Variants in ELF2 observed in about 807,000 individuals in gnomAD.
ELF2 encodes the protein E74 like ETS transcription factor 2, also known as ETS-related transcription factor Elf-2.
A neutral mutation model predicts 54.8 loss-of-function variants in ELF2; 11 were observed. The ratio of observed to expected loss-of-function variants is 0.20; its 90% CI spans 0.13 to 0.33. ELF2 has a LOEUF of 0.33. Among genes scored for constraint, ELF2 ranks in the 10% least tolerant of loss-of-function variants. ELF2 has a pLI of 1.00. For missense variants in ELF2, 513 were observed against 703.0 expected (o/e 0.73, Z 3.06); for synonymous variants, 203 against 245.1 (o/e 0.83, Z 1.61).
Position 139,065,264 on chromosome 4 carries a change from G to A in ELF2, c.613+2420C>T, listed in dbSNP as rs1331395987. On this transcript the variant is annotated intron_variant, in intron 7 of 9. Coordinates refer to ENST00000686138, the MANE Select transcript of ELF2 (RefSeq NM_001331036.3). ...AGGCCAAGGCTGAAGGATCACTTGA[G>A]CCTAGGAGTATGAGAATAGCCTAGG... Among the ~76,000 whole-genome samples, 27 of 152,148 alleles carry A rather than the reference G, an allele frequency of 1.8e-4. 1 individual carries two copies. Among genetic ancestry groups the A allele is most frequent in the Admixed American group, 1.8e-3 (27 of 15,272 alleles).
At chr4:139,071,723 A>G (rs959751708) in intron 6 of ELF2, 143 bp downstream of exon 6, 8 of 789,646 alleles carry the variant, frequency 1.0e-5, no homozygotes, top group Non-Finnish European at 1.3e-5. Context: ...TAAAATCTCA[A>G]TGTTGATTCT....
chr4:139,092,085 G>T (rs1481671374), intron 4 of ELF2, among the ~76,000 whole-genome samples: 1 of 151,584 alleles, frequency 6.6e-6, no homozygotes, highest in African/African-American at 2.4e-5. Flanking sequence ...AAATAGGCCG[G>T]GTGTGGTGGC....
chr4:139,074,619 G>A (rs771874807), intron 4 of ELF2, among the ~76,000 whole-genome samples: 1 of 151,894 alleles, frequency 6.6e-6, no homozygotes, highest in South Asian at 2.1e-4. Context: ...AATTAGCCGG[G>A]CGTGGTGGCG....
At chr4:139,085,784 T>A (rs1012830658) in intron 4 of ELF2, among the ~76,000 whole-genome samples, 1 of 152,306 alleles carries the variant, frequency 6.6e-6, no homozygotes, top group Admixed American at 6.5e-5. Flanking sequence ...GTAAGCATCA[T>A]CCTTAGCTGG....
intron 3 of ELF2, 127 bp downstream of exon 3, chr4:139,137,503 C>T: frequency 2.2e-6 from 2 of 917,430 alleles, no homozygotes; most frequent in Non-Finnish European, 3.4e-6. Flanking sequence ...GGATACACGA[C>T]ATGTACATGT....
intron 4 of ELF2, among the ~76,000 whole-genome samples, chr4:139,113,477 C>T (rs1212759566): frequency 6.6e-6 from 1 of 152,174 alleles, no homozygotes; most frequent in Non-Finnish European, 1.5e-5. Context: ...AGGAGAATCA[C>T]TTGAATCTGG....
intron 1 of ELF2, among the ~76,000 whole-genome samples, chr4:139,160,868 C>T (rs1430925568): frequency 6.6e-6 from 1 of 152,126 alleles, no homozygotes; most frequent in Non-Finnish European, 1.5e-5. Flanking sequence ...GAAGCTGAGA[C>T]AGAAGAATGT....
chr4:139,075,913 T>G (rs563170325), intron 4 of ELF2, among the ~76,000 whole-genome samples: 1 of 152,268 alleles, frequency 6.6e-6, no homozygotes, highest in South Asian at 2.1e-4. Flanking sequence ...CTTGACAGAT[T>G]TTTTTTAAGA....
intron 3 of ELF2, among the ~76,000 whole-genome samples, chr4:139,132,200 CA>C (rs1219399345): frequency 2.0e-5 from 3 of 150,970 alleles, no homozygotes; most frequent in Non-Finnish European, 4.4e-5. Context: ...GTACAAAAAC[CA>C]AAAAAATAAA....
intron 4 of ELF2, among the ~76,000 whole-genome samples, chr4:139,075,804 TA>T (rs1730230855): frequency 6.6e-6 from 1 of 152,232 alleles, no homozygotes; most frequent in Admixed American, 6.5e-5. Flanking sequence ...GAACAAATTT[TA>T]TTATCTTAAT....
intron 4 of ELF2, among the ~76,000 whole-genome samples, chr4:139,103,432 T>C (rs761006201): frequency 2.0e-5 from 3 of 152,144 alleles, no homozygotes; most frequent in Non-Finnish European, 4.4e-5. Context: ...GAAGGTTAAG[T>C]CAACCACCAA....
At chr4:139,138,532 C>G (rs1013108903) in intron 2 of ELF2, among the ~76,000 whole-genome samples, 1 of 151,914 alleles carries the variant, frequency 6.6e-6, no homozygotes, top group Non-Finnish European at 1.5e-5. Flanking sequence ...TAAAATGTGC[C>G]AGACTGAGAA....
intron 1 of ELF2, among the ~76,000 whole-genome samples, chr4:139,166,691 A>AC (rs1451118008): frequency 1.3e-5 from 2 of 152,064 alleles, no homozygotes; most frequent in Non-Finnish European, 2.9e-5. Flanking sequence ...ACATAGTGAA[A>AC]CCCCATCTCT....
chr4:139,107,499 G>A (rs1271600553), intron 4 of ELF2, among the ~76,000 whole-genome samples: 2 of 152,096 alleles, frequency 1.3e-5, no homozygotes, highest in Non-Finnish European at 2.9e-5. Context: ...CCCAAAATAT[G>A]TACGATTATA....
At chr4:139,135,964 T>C (rs1316903151) in intron 3 of ELF2, among the ~76,000 whole-genome samples, 1 of 152,196 alleles carries the variant, frequency 6.6e-6, no homozygotes, top group Non-Finnish European at 1.5e-5. Flanking sequence ...GTTGTCCTCA[T>C]TTTCCCCATA....
chr4:139,077,667 C>T (rs1371913886), intron 4 of ELF2, among the ~76,000 whole-genome samples: 3 of 152,088 alleles, frequency 2.0e-5, no homozygotes, highest in Non-Finnish European at 2.9e-5. Flanking sequence ...AAAAAAAATA[C>T]TATTTTGTTC....
chr4:139,142,189 G>C (rs959583949), intron 1 of ELF2, among the ~76,000 whole-genome samples: 1 of 152,184 alleles, frequency 6.6e-6, no homozygotes, highest in Non-Finnish European at 1.5e-5. Flanking sequence ...TTGGCAGGGA[G>C]AGCTGCCAAT....
At chr4:139,159,531 T>C (rs770348601) in intron 1 of ELF2, among the ~76,000 whole-genome samples, 1 of 152,164 alleles carries the variant, frequency 6.6e-6, no homozygotes, top group Non-Finnish European at 1.5e-5. Flanking sequence ...GGGATAGAAG[T>C]TGGAACTCTA....
At chr4:139,092,020 C>A (rs1732647025) in intron 4 of ELF2, among the ~76,000 whole-genome samples, 1 of 147,970 alleles carries the variant, frequency 6.8e-6, no homozygotes, top group African/African-American at 2.5e-5. Context: ...TATATATAAA[C>A]ATGGAACAAA....
Sources: allele counts gnomAD v4.1 joint callset (sites outside exome capture counted in the v4.1 genomes callset), GRCh38; gene constraint gnomAD v4.1.1; transcripts MANE v1.5; gene names NCBI Gene and HGNC (gene_info 2026-07-23, HGNC 2026-07-21).